RORA: variants seen among roughly 807,000 people sequenced by gnomAD.
RORA encodes the protein nuclear receptor ROR-alpha.
RORA carries 7 observed loss-of-function variants against 69.5 expected under a neutral mutation model. That is an observed-to-expected ratio of 0.10 (90% CI 0.06 to 0.19). RORA has a LOEUF of 0.19. Among genes scored for constraint, RORA ranks in the 10% least tolerant of loss-of-function variants. The pLI is 1.00. For synonymous variants in RORA, 261 were observed against 240.8 expected (o/e 1.08, Z -0.78); for missense variants, 457 against 663.0 (o/e 0.69, Z 3.41).
chr15:60,693,352 G>C (rs1018333536), intron 1 of RORA, among the ~76,000 whole-genome samples: 1 of 152,190 alleles, frequency 6.6e-6, no homozygotes, highest in Non-Finnish European at 1.5e-5. Context: ...CATGCTGAAT[G>C]GGCAAAAGCT....
intron 1 of RORA, among the ~76,000 whole-genome samples, chr15:61,221,811 T>C (rs904008759): frequency 6.6e-6 from 1 of 152,202 alleles, no homozygotes; most frequent in Non-Finnish European, 1.5e-5. Flanking sequence ...TTATCTATTA[T>C]GGTCTGTGCG....
intron 2 of RORA, among the ~76,000 whole-genome samples, chr15:60,593,907 A>G (rs2140530995): frequency 6.6e-6 from 1 of 152,306 alleles, no homozygotes; most frequent in Non-Finnish European, 1.5e-5. Context: ...TCAGCACCGT[A>G]GAAAACAAGG....
chr15:61,142,130 T>A (rs2079305437), intron 1 of RORA, among the ~76,000 whole-genome samples: 1 of 130,838 alleles, frequency 7.6e-6, no homozygotes, highest in Non-Finnish European at 1.7e-5. Flanking sequence ...CTACATGCAA[T>A]ATAGACCATT....
intron 2 of RORA, among the ~76,000 whole-genome samples, chr15:60,635,141 G>A (rs558734762): frequency 4.4e-4 from 67 of 152,318 alleles, no homozygotes; most frequent in African/African-American, 1.4e-3. Context: ...TCGATGTGCC[G>A]CCTCAGGGCA....
At chr15:60,811,845 G>A (rs1228419195) in intron 1 of RORA, among the ~76,000 whole-genome samples, 3 of 152,116 alleles carry the variant, frequency 2.0e-5, no homozygotes. Flanking sequence ...GCCAGCCAAG[G>A]ACCAAGGTGT....
At chr15:60,706,280 G>A (rs557306588) in intron 1 of RORA, 7 of 152,274 alleles carry the variant, frequency 4.6e-5, no homozygotes, top group African/African-American at 1.4e-4. Flanking sequence ...TGGGTAGTAC[G>A]GATTGCTTCA....
intron 1 of RORA, among the ~76,000 whole-genome samples, chr15:60,955,496 A>G (rs1308456272): frequency 6.6e-6 from 1 of 152,194 alleles, no homozygotes; most frequent in Non-Finnish European, 1.5e-5. Flanking sequence ...GTTGTCATTC[A>G]TAAGGTTACC....
At chr15:60,871,833 G>A (rs879010913) in intron 1 of RORA, among the ~76,000 whole-genome samples, 1 of 152,162 alleles carries the variant, frequency 6.6e-6, no homozygotes, top group Admixed American at 6.5e-5. Flanking sequence ...GAAAAAACTG[G>A]TAAAATCCAA....
intron 1 of RORA, among the ~76,000 whole-genome samples, chr15:60,923,500 A>C (rs12912672): frequency 0.74 from 111,687 of 151,878 alleles, 41,947 homozygotes; most frequent in East Asian, 0.93. Context: ...GAGGTCATCT[A>C]GGCCCCTGAC....
intron 1 of RORA, among the ~76,000 whole-genome samples, chr15:61,053,543 G>C (rs1345570200): frequency 6.6e-6 from 1 of 152,038 alleles, no homozygotes; most frequent in East Asian, 1.9e-4. Context: ...GCAGATGCCA[G>C]GATGACCCTC....
At chr15:61,186,536 G>T (rs918662273) in intron 1 of RORA, among the ~76,000 whole-genome samples, 4 of 149,650 alleles carry the variant, frequency 2.7e-5, no homozygotes, top group African/African-American at 9.9e-5. Flanking sequence ...AGCTACTCAG[G>T]ATGTTGAGGC....
chr15:60,786,396 C>T (rs977867301), intron 1 of RORA, among the ~76,000 whole-genome samples: 3 of 152,204 alleles, frequency 2.0e-5, no homozygotes, highest in Admixed American at 2.0e-4. Flanking sequence ...CCTCCTTAAC[C>T]AACTCTACAA....
intron 1 of RORA, among the ~76,000 whole-genome samples, chr15:61,015,773 C>T (rs1202706396): frequency 6.6e-6 from 1 of 152,152 alleles, no homozygotes; most frequent in African/African-American, 2.4e-5. Flanking sequence ...TAAGAATATG[C>T]TCCAAATGAT....
chr15:60,647,198 C>T (rs1436929254), intron 2 of RORA, among the ~76,000 whole-genome samples: 4 of 152,194 alleles, frequency 2.6e-5, no homozygotes, highest in Non-Finnish European at 5.9e-5. Context: ...AGGACTTTAT[C>T]TATCTTTCCT....
intron 1 of RORA, among the ~76,000 whole-genome samples, chr15:61,034,571 G>T (rs1223144065): frequency 2.6e-5 from 4 of 152,048 alleles, no homozygotes; most frequent in African/African-American, 9.7e-5. Flanking sequence ...AAAACCCTGG[G>T]GAACTGCCAG....
At chr15:61,072,214 A>T (rs2078377352) in intron 1 of RORA, among the ~76,000 whole-genome samples, 1 of 151,370 alleles carries the variant, frequency 6.6e-6, no homozygotes, top group Admixed American at 6.6e-5. Flanking sequence ...AAGCCAAAAC[A>T]TTTCCTTTTT....
intron 1 of RORA, among the ~76,000 whole-genome samples, chr15:61,180,412 C>T (rs970931364): frequency 6.6e-6 from 1 of 152,186 alleles, no homozygotes; most frequent in Non-Finnish European, 1.5e-5. Context: ...CAACATCTTA[C>T]ATGGTTCAGT....
chr15:60,749,545 T>A (rs2071694258), intron 1 of RORA, among the ~76,000 whole-genome samples: 1 of 152,194 alleles, frequency 6.6e-6, no homozygotes, highest in South Asian at 2.1e-4. Flanking sequence ...AACCCTTACA[T>A]TAATGGACTA....
chr15:61,165,904 T>C (rs2140888119), intron 1 of RORA, among the ~76,000 whole-genome samples: 1 of 152,356 alleles, frequency 6.6e-6, no homozygotes, highest in South Asian at 2.1e-4. Context: ...TTATAGATTT[T>C]CAGCTTACAG....
Sources: gnomAD v4.1 joint callset for allele counts (sites outside exome capture counted in the v4.1 genomes callset) on GRCh38, gnomAD v4.1.1 for gene constraint, MANE v1.5 for transcripts, NCBI Gene and HGNC (gene_info 2026-07-23, HGNC 2026-07-21) for gene names.